Variants in CAST observed in about 807,000 individuals in gnomAD.
CAST encodes the protein calpastatin.
A neutral mutation model predicts 119.6 loss-of-function variants in CAST; 76 were observed. The ratio of observed to expected loss-of-function variants is 0.64; its 90% CI spans 0.53 to 0.77. The LOEUF is 0.77. Among genes scored for constraint, CAST ranks in the 30% least tolerant of loss-of-function variants. The probability of loss-of-function intolerance (pLI) is 0.00; values close to 1 mark genes in which losing one functional copy is unlikely to be tolerated. For synonymous variants in CAST, 319 were observed against 331.6 expected (o/e 0.96, Z 0.41); for missense variants, 953 against 946.5 (o/e 1.01, Z -0.09).
At chr5:96,463,266 A>G in the CAST span, among the ~76,000 whole-genome samples, 1 of 152,106 alleles carries the variant, frequency 6.6e-6, no homozygotes, top group South Asian at 2.1e-4. Context: ...TGTGTAATAC[A>G]TTGATGGTAC....
chr5:96,348,387 G>GGA, the CAST span, among the ~76,000 whole-genome samples: 9 of 149,580 alleles, frequency 6.0e-5, no homozygotes, highest in East Asian at 2.0e-4. Context: ...AGAGGGAGAG[G>GGA]GAGAGAGAGA....
At chr5:96,689,549 A>G (rs922815093) in intron 2 of CAST, among the ~76,000 whole-genome samples, 1 of 152,226 alleles carries the variant, frequency 6.6e-6, no homozygotes, top group African/African-American at 2.4e-5. Flanking sequence ...TAACACATAA[A>G]TAGGCATTAT....
At chr5:96,192,362 A>C in the CAST span, among the ~76,000 whole-genome samples, 2 of 152,366 alleles carry the variant, frequency 1.3e-5, no homozygotes, top group African/African-American at 4.8e-5. Flanking sequence ...ATGCATTAAG[A>C]TGTCTTTACA....
Position 96,741,363 on chromosome 5 carries a change from T to C in CAST, c.1011+5T>C. On this transcript the variant is annotated splice_donor_5th_base_variant and intron_variant, in intron 14 of 31. Transcript: ENST00000675179. ...GGAAAGAAAACTGAAAAAGAGGTAT[T>C]GTTTTTAGTGTTGTTAAGGGAAACT... 6.3e-7 allele frequency: 1 copy of C among 1,588,494 alleles called. No homozygotes were observed. The highest frequency in any genetic ancestry group is 8.6e-7 in the Non-Finnish European group (1 of 1,156,932).
chr5:96,076,612 T>C, the CAST span, among the ~76,000 whole-genome samples: 1 of 152,324 alleles, frequency 6.6e-6, no homozygotes, highest in Non-Finnish European at 1.5e-5. Flanking sequence ...CTATAGCATT[T>C]AGGGCAGGGT....
the CAST span, among the ~76,000 whole-genome samples, chr5:96,335,610 A>G: frequency 6.6e-6 from 1 of 152,146 alleles, no homozygotes; most frequent in Non-Finnish European, 1.5e-5. Context: ...TACCATCTGT[A>G]TAGTAATGAC....
the CAST span, among the ~76,000 whole-genome samples, chr5:96,452,640 T>TAAAAAAA: frequency 1.3e-3 from 116 of 90,106 alleles, 8 homozygotes; most frequent in African/African-American, 3.4e-3. Flanking sequence ...TAAAGTATAA[T>TAAAAAAA]AAAAAAAAAA....
At chr5:96,065,379 A>G in the CAST span, among the ~76,000 whole-genome samples, 1 of 150,792 alleles carries the variant, frequency 6.6e-6, no homozygotes, top group Non-Finnish European at 1.5e-5. Context: ...GAAATTCTTT[A>G]TATCCTATGG....
the CAST span, among the ~76,000 whole-genome samples, chr5:96,055,344 CA>C: frequency 6.6e-6 from 1 of 152,136 alleles, no homozygotes; most frequent in East Asian, 1.9e-4. Flanking sequence ...AGCTGATTAA[CA>C]GCTGCTATGG....
At chr5:96,012,075 C>A in the CAST span, among the ~76,000 whole-genome samples, 3 of 152,000 alleles carry the variant, frequency 2.0e-5, no homozygotes, top group Non-Finnish European at 4.4e-5. Flanking sequence ...TGAAAAAATT[C>A]AAAATAATAA....
the CAST span, among the ~76,000 whole-genome samples, chr5:96,302,300 C>T: frequency 6.6e-6 from 1 of 152,172 alleles, no homozygotes; most frequent in Admixed American, 6.5e-5. Flanking sequence ...CTATTTTTCC[C>T]TCCTAGACTT....
the CAST span, among the ~76,000 whole-genome samples, chr5:96,177,205 A>G: frequency 6.6e-6 from 1 of 152,228 alleles, no homozygotes; most frequent in African/African-American, 2.4e-5. Context: ...AGATTGCTCT[A>G]AAGATACATT....
At chr5:96,031,129 G>A in the CAST span, among the ~76,000 whole-genome samples, 2 of 146,190 alleles carry the variant, frequency 1.4e-5, no homozygotes, top group Non-Finnish European at 3.0e-5. Flanking sequence ...CCACTTTGTT[G>A]TTAATTACTT....
chr5:96,041,382 C>G, the CAST span, among the ~76,000 whole-genome samples: 124 of 152,070 alleles, frequency 8.2e-4, 1 homozygote, highest in African/African-American at 2.9e-3. Context: ...GACCAGTACT[C>G]CTAAAAATTG....
intron 1 of CAST, among the ~76,000 whole-genome samples, chr5:96,572,777 C>T (rs769490382): frequency 1.8e-4 from 27 of 152,172 alleles, no homozygotes; most frequent in Admixed American, 3.3e-4. Flanking sequence ...CAGGCTTTCT[C>T]TTTCCTCAGG....
chr5:96,103,306 G>A, the CAST span, among the ~76,000 whole-genome samples: 2 of 150,188 alleles, frequency 1.3e-5, no homozygotes, highest in South Asian at 2.1e-4. Context: ...CCATTAACTC[G>A]TCATCTAGCA....
chr5:96,044,894 C>T, the CAST span, among the ~76,000 whole-genome samples: 4 of 152,118 alleles, frequency 2.6e-5, no homozygotes, highest in Admixed American at 1.3e-4. Flanking sequence ...ATTCTATTTA[C>T]AAAAATTTCA....
the CAST span, among the ~76,000 whole-genome samples, chr5:96,486,711 G>GC: frequency 6.6e-6 from 1 of 151,770 alleles, no homozygotes; most frequent in African/African-American, 2.4e-5. Flanking sequence ...GTGTTGGGGG[G>GC]GCAGATTCTG....
chr5:96,388,330 A>G, the CAST span, among the ~76,000 whole-genome samples: 2 of 152,214 alleles, frequency 1.3e-5, no homozygotes, highest in South Asian at 2.1e-4. Context: ...GCTTCGTGCT[A>G]TGAGTTGGCT....
Sources: gnomAD v4.1 joint callset for allele counts (sites outside exome capture counted in the v4.1 genomes callset) on GRCh38, gnomAD v4.1.1 for gene constraint, MANE v1.5 for transcripts, NCBI Gene and HGNC (gene_info 2026-07-23, HGNC 2026-07-21) for gene names.